PCDHGB4: variants seen among roughly 807,000 people sequenced by gnomAD.
The protein encoded by PCDHGB4 is protocadherin gamma-B4.
PCDHGB4 carries 38 observed loss-of-function variants against 60.5 expected under a neutral mutation model. The ratio of observed to expected loss-of-function variants is 0.63; its 90% CI spans 0.48 to 0.82. The LOEUF is 0.82. PCDHGB4 is among the 40% of genes least tolerant of loss of function. The pLI, the probability that PCDHGB4 is intolerant of heterozygous loss-of-function variation, is 0.00. For synonymous variants in PCDHGB4, 456 were observed against 509.7 expected, an observed-to-expected ratio of 0.89 and a Z score of 1.42; for missense variants, 1,109 against 1,209.6, an observed-to-expected ratio of 0.92 and a Z score of 1.23.
At chr5:141,433,237 A>G in intron 1 of PCDHGB4, 1 of 1,495,940 alleles carries the variant, frequency 6.7e-7, no homozygotes, top group South Asian at 1.3e-5. Flanking sequence ...TCTGTCTCCC[A>G]AGCTGGAATG....
Position 141,486,054 on chromosome 5 carries a change from G to T in PCDHGB4, c.2398-8753G>T. The T allele has an allele frequency of 1.2e-6, 2 of 1,614,124 alleles. No homozygotes were observed. Among genetic ancestry groups the T allele is most frequent in the South Asian group, 1.1e-5 (1 of 91,072 alleles). On this transcript the variant is annotated intron_variant, in intron 1 of 3. Transcript: ENST00000519479. The surrounding 1 kb of genome is among the most constrained non-coding windows in gnomAD (Gnocchi z 5.0). The stretch of plus-strand genomic sequence containing the variant: ...CCTGATCGTGTAAGAAACCTCTTTA[G>T]CCTGCACCCCACTACTGGAAAGCTT...
intron 1 of PCDHGB4, chr5:141,430,546 G>A (rs1323295073): frequency 2.5e-6 from 1 of 402,156 alleles, no homozygotes; most frequent in Non-Finnish European, 4.4e-6. Context: ...GAGCGCCGCT[G>A]TTCACCAATC....
intron 1 of PCDHGB4, among the ~76,000 whole-genome samples, chr5:141,456,584 A>G (rs990911693): frequency 6.6e-6 from 1 of 152,212 alleles, no homozygotes; most frequent in Non-Finnish European, 1.5e-5. Flanking sequence ...TGAGCCTGTC[A>G]ATAATTTTGA....
chr5:141,415,305 C>G (rs200439097), intron 1 of PCDHGB4: 1 of 1,614,234 alleles, frequency 6.2e-7, no homozygotes, highest in African/African-American at 1.3e-5. Context: ...TCTTCCTGGC[C>G]TTCGTCATCG....
chr5:141,417,644 AG>A, intron 1 of PCDHGB4: 1 of 779,202 alleles, frequency 1.3e-6, no homozygotes, highest in South Asian at 2.1e-5. Flanking sequence ...GGGATCCCTC[AG>A]CCTCTAGCCT....
Position 141,390,097 on chromosome 5 carries a change from C to T in PCDHGB4, c.2213C>T (p.Pro738Leu). The change falls in exon 1 of 4, where the codon CCC becomes CTC. Residue 738 changes from proline to leucine, a missense_variant. By Grantham distance (98) the Pro-to-Leu change is moderately conservative. Coordinates refer to ENST00000519479, the MANE Select transcript of PCDHGB4 (RefSeq NM_003736.4). ...GLCVKSESVV[P>L]PNYSEGTLPY... ...TGTGTTAAATCCGAATCCGTGGTTC[C>T]CCCCAACTACAGCGAGGGGACTTTG... 6.2e-7 allele frequency: 1 copy of T among 1,614,026 alleles called. No homozygotes were observed. The highest frequency in any genetic ancestry group is 8.5e-7 in the Non-Finnish European group (1 of 1,179,898).
chr5:141,447,805 G>T (rs1389870133), intron 1 of PCDHGB4, among the ~76,000 whole-genome samples: 2 of 152,064 alleles, frequency 1.3e-5, no homozygotes, highest in African/African-American at 4.8e-5. Context: ...AATAAAATTG[G>T]CTGGGCGTGG....
intron 1 of PCDHGB4, chr5:141,400,586 A>G (rs963844263): frequency 6.2e-7 from 1 of 1,607,730 alleles, no homozygotes; most frequent in Non-Finnish European, 8.5e-7. Context: ...TTTACATGAA[A>G]CTATCGTACA....
chr5:141,498,807 C>T (rs113587634), intron 2 of PCDHGB4, among the ~76,000 whole-genome samples: 5,552 of 152,138 alleles, frequency 0.036, 136 homozygotes, highest in South Asian at 0.073. Context: ...GTGGTGCACA[C>T]CTGTAGTCCC....
chr5:141,427,998 C>T, intron 1 of PCDHGB4: 1 of 1,600,956 alleles, frequency 6.2e-7, no homozygotes, highest in Non-Finnish European at 8.6e-7. Flanking sequence ...TGGCTCCGCA[C>T]TCTTCGATAT....
At chr5:141,394,203 A>G (rs1380354099) in intron 1 of PCDHGB4, 1 of 1,613,814 alleles carries the variant, frequency 6.2e-7, no homozygotes, top group Non-Finnish European at 8.5e-7. Context: ...TATCCTAGAG[A>G]ACAACCTGAG....
chr5:141,499,996 C>A (rs1246090346), intron 2 of PCDHGB4, among the ~76,000 whole-genome samples: 2 of 151,572 alleles, frequency 1.3e-5, no homozygotes, highest in Non-Finnish European at 2.9e-5. Flanking sequence ...CCAGATGATT[C>A]TTTCATAAGG....
chr5:141,477,171 TCA>T lies in PCDHGB4; in HGVS notation c.2398-17633_2398-17632del, dbSNP rs772104411. On this transcript the variant is annotated intron_variant, in intron 1 of 3. Transcript: ENST00000519479. This position sits in a 1 kb window ranked among gnomAD's most constrained non-coding sequence, Gnocchi z 4.9. ...GATGTGAATGACAACGCCCCGGAGA[TCA>T]CAGTCACCTCCGTGTACAGCCCAGT... 6.2e-7 allele frequency: 1 copy of T among 1,614,072 alleles called. No individual in the cohort carries two copies. Among genetic ancestry groups the T allele is most frequent in the Non-Finnish European group, 8.5e-7 (1 of 1,179,988 alleles).
At chr5:141,423,126 G>A (rs1397550571) in intron 1 of PCDHGB4, 1 of 1,613,622 alleles carries the variant, frequency 6.2e-7, no homozygotes, top group Non-Finnish European at 8.5e-7. Context: ...CGCGGGCACT[G>A]CTGGACAGAG....
Position 141,414,535 on chromosome 5 carries a change from C to T in PCDHGB4, c.2397+24254C>T, listed in dbSNP as rs2095756820. The T allele has an allele frequency of 6.2e-7, 1 of 1,613,962 alleles. No individual in the cohort carries two copies. On this transcript the variant is annotated intron_variant, in intron 1 of 3. Coordinates refer to ENST00000519479, the MANE Select transcript of PCDHGB4 (RefSeq NM_003736.4). The stretch of plus-strand genomic sequence containing the variant: ...AGTGGCAGATATCAATGACAACCCA[C>T]CTACCTTCTCTCAAGTCTCCTACTT...
chr5:141,400,189 C>T (rs376855933), intron 1 of PCDHGB4: 52 of 1,613,938 alleles, frequency 3.2e-5, no homozygotes, highest in Non-Finnish European at 4.2e-5. Flanking sequence ...GCAGTTTTAC[C>T]TAGTGGTGGC....
chr5:141,485,275 G>T lies in PCDHGB4; in HGVS notation c.2398-9532G>T, dbSNP rs77402299. ...ACGTTTGTGGGCAGATCCGCTACCC[G>T]GTCCCAGAGGAGTCACAGGAAGGGA... is the stretch of plus-strand genomic sequence containing the variant. On this transcript the variant is annotated intron_variant, in intron 1 of 3. Coordinates refer to ENST00000519479, the MANE Select transcript of PCDHGB4 (RefSeq NM_003736.4). The surrounding 1 kb of genome is among the most constrained non-coding windows in gnomAD (Gnocchi z 5.7). 1.1e-5 allele frequency: 18 copies of T among 1,614,072 alleles called. No individual in the cohort carries two copies. The South Asian group carries it at 1.4e-4, about 13-fold the overall frequency.
chr5:141,415,521 G>T lies in PCDHGB4; in HGVS notation c.2397+25240G>T, dbSNP rs1357538686. 2.5e-6 allele frequency: 4 copies of T among 1,614,070 alleles called. No individual in the cohort carries two copies. The African/African-American group carries it at 5.3e-5, about 22-fold the overall frequency. Reference sequence around the variant, plus strand: ...TCCCCCAGCCCAATTATGCGGACACGCTCATCAGCCAGGAGAGCTGTGAGA... The same window carrying T: ...TCCCCCAGCCCAATTATGCGGACACTCTCATCAGCCAGGAGAGCTGTGAGA... On this transcript the variant is annotated intron_variant, in intron 1 of 3. Coordinates refer to ENST00000519479, the MANE Select transcript of PCDHGB4 (RefSeq NM_003736.4).
Position 141,389,013 on chromosome 5 carries a change from A to G in PCDHGB4, c.1129A>G (p.Asn377Asp), listed in dbSNP as rs187666474. 2.5e-6 allele frequency: 4 copies of G among 1,614,010 alleles called. No homozygotes were observed. The African/African-American group carries it at 4.0e-5, about 16-fold the overall frequency. Residue 377 changes from asparagine to aspartate, a missense_variant, in exon 1 of 4, where the codon AAT becomes GAT. By Grantham distance (23) the Asn-to-Asp change is conservative. Coordinates refer to ENST00000519479, the MANE Select transcript of PCDHGB4 (RefSeq NM_003736.4). ...LKVRDKDSRHNGEVTCKLEGD... is the reference protein window; with the variant it reads ...LKVRDKDSRHDGEVTCKLEGD... ...AGTCCGTGACAAGGATTCCAGACAC[A>G]ATGGAGAAGTGACTTGTAAATTGGA...
Sources: gnomAD v4.1 joint callset for allele counts (sites outside exome capture counted in the v4.1 genomes callset) on GRCh38, gnomAD v4.1.1 for gene constraint, Gnocchi (gnomAD v3.1) non-coding constraint, MANE v1.5 for transcripts, NCBI Gene and HGNC (gene_info 2026-07-23, HGNC 2026-07-21) for gene names.